HIVEP3: variants seen among roughly 807,000 people sequenced by gnomAD.
HIVEP3 encodes the protein HIVEP zinc finger 3, also known as transcription factor HIVEP3.
Under a neutral mutation model 152.8 loss-of-function variants are expected in HIVEP3, and 49 were observed. The ratio of observed to expected loss-of-function variants is 0.32; its 90% CI spans 0.26 to 0.41. The LOEUF is 0.41. HIVEP3 is among the 10% of genes least tolerant of loss of function. The pLI, the probability that HIVEP3 is intolerant of heterozygous loss-of-function variation, is 1.00. For missense variants in HIVEP3, 2,790 were observed against 3,103.3 expected, an observed-to-expected ratio of 0.90 and a Z score of 2.40; for synonymous variants, 1,269 against 1,289.0, an observed-to-expected ratio of 0.98 and a Z score of 0.33.
intron 2 of HIVEP3, among the ~76,000 whole-genome samples, chr1:41,670,425 C>A (rs1042604000): frequency 6.6e-6 from 1 of 152,170 alleles, no homozygotes; most frequent in Non-Finnish European, 1.5e-5. Context: ...CTCCATCCCC[C>A]CTGAATTCAT....
intron 1 of HIVEP3, among the ~76,000 whole-genome samples, chr1:41,753,742 G>T (rs1232679318): frequency 1.3e-5 from 2 of 151,820 alleles, no homozygotes; most frequent in Admixed American, 6.6e-5. Context: ...TCTAATGAGG[G>T]GCTGTTTACT....
At chr1:41,784,166 C>A (rs1288533487) in intron 1 of HIVEP3, among the ~76,000 whole-genome samples, 1 of 152,142 alleles carries the variant, frequency 6.6e-6, no homozygotes, top group Non-Finnish European at 1.5e-5. Flanking sequence ...ACCTCCCCTG[C>A]CCTAGAGCAG....
chr1:41,987,663 G>A (rs1285921294), intron 1 of HIVEP3, among the ~76,000 whole-genome samples: 1 of 152,174 alleles, frequency 6.6e-6, no homozygotes, highest in East Asian at 1.9e-4. Context: ...AACCCACATT[G>A]GGGAAGTGGT....
chr1:41,864,724 A>G (rs1002643918), intron 1 of HIVEP3: 1 of 152,396 alleles, frequency 6.6e-6, no homozygotes, highest in Admixed American at 6.5e-5. Context: ...TAGCAGGCCC[A>G]TGGAAACACT....
intron 1 of HIVEP3, among the ~76,000 whole-genome samples, chr1:41,868,518 G>A (rs1180700774): frequency 6.6e-6 from 1 of 152,140 alleles, no homozygotes; most frequent in East Asian, 1.9e-4. Flanking sequence ...GGAGACACTA[G>A]TCTCCAATTT....
At chr1:41,976,813 G>A (rs1248379934) in intron 1 of HIVEP3, among the ~76,000 whole-genome samples, 1 of 152,178 alleles carries the variant, frequency 6.6e-6, no homozygotes, top group Non-Finnish European at 1.5e-5. Context: ...TTATGCTGCA[G>A]TAGTTATGCT....
chr1:41,564,139 G>A (rs1644126447), intron 5 of HIVEP3, among the ~76,000 whole-genome samples: 1 of 152,172 alleles, frequency 6.6e-6, no homozygotes. Flanking sequence ...GCTGCAGTGA[G>A]CCGAGATCGT....
intron 1 of HIVEP3, among the ~76,000 whole-genome samples, chr1:41,968,612 G>A (rs911915147): frequency 2.8e-4 from 42 of 152,128 alleles, no homozygotes; most frequent in African/African-American, 9.9e-4. Flanking sequence ...ATACTGAATG[G>A]GCAAAAGCTG....
At chr1:41,766,384 A>G (rs1434194690) in intron 1 of HIVEP3, among the ~76,000 whole-genome samples, 1 of 152,220 alleles carries the variant, frequency 6.6e-6, no homozygotes, top group East Asian at 1.9e-4. Flanking sequence ...TCAGCCAAAA[A>G]TGTCAATAGT....
At chr1:42,026,038 C>T (rs1173736964) in intron 1 of HIVEP3, among the ~76,000 whole-genome samples, 1 of 151,516 alleles carries the variant, frequency 6.6e-6, no homozygotes, top group Admixed American at 6.6e-5. Context: ...GCATTGTCTG[C>T]AGCCTGGGCG....
chr1:41,919,421 G>C (rs1308745812), upstream of HIVEP3, among the ~76,000 whole-genome samples: 1 of 152,186 alleles, frequency 6.6e-6, no homozygotes, highest in Non-Finnish European at 1.5e-5. Context: ...GCCCTGCCCT[G>C]CCTTGCTCTG....
At chr1:41,776,590 G>A (rs2124274300) in intron 1 of HIVEP3, among the ~76,000 whole-genome samples, 1 of 152,334 alleles carries the variant, frequency 6.6e-6, no homozygotes, top group East Asian at 1.9e-4. Flanking sequence ...CATTCAGGTG[G>A]GTGTTGGCTT....
chr1:41,852,971 A>G (rs1643646139), intron 1 of HIVEP3, among the ~76,000 whole-genome samples: 1 of 152,214 alleles, frequency 6.6e-6, no homozygotes, highest in Non-Finnish European at 1.5e-5. Flanking sequence ...CAAGCAGCAC[A>G]CAGTCTGGGT....
At chr1:41,719,843 T>C (rs1646650436) in intron 1 of HIVEP3, among the ~76,000 whole-genome samples, 1 of 152,194 alleles carries the variant, frequency 6.6e-6, no homozygotes. Context: ...AGAAGTTCAG[T>C]GTCTTGCCTG....
chr1:41,718,231 C>T (rs1180300705), intron 1 of HIVEP3, among the ~76,000 whole-genome samples: 3 of 152,180 alleles, frequency 2.0e-5, no homozygotes, highest in Non-Finnish European at 4.4e-5. Flanking sequence ...GGGCCTTTGC[C>T]AAGGAGTCTG....
chr1:41,857,667 T>G (rs1222108732), intron 1 of HIVEP3, among the ~76,000 whole-genome samples: 1 of 152,182 alleles, frequency 6.6e-6, no homozygotes, highest in Non-Finnish European at 1.5e-5. Context: ...CACAACATGA[T>G]GCCTATGAGG....
At chr1:41,649,594 G>C in intron 2 of HIVEP3, among the ~76,000 whole-genome samples, 1 of 152,224 alleles carries the variant, frequency 6.6e-6, no homozygotes, top group East Asian at 1.9e-4. Context: ...TGGGAATTGG[G>C]TTGGGGCTTC....
chr1:41,994,100 T>C (rs113103457), intron 1 of HIVEP3, among the ~76,000 whole-genome samples: 4,181 of 151,662 alleles, frequency 0.028, 199 homozygotes, highest in African/African-American at 0.096. Context: ...TGTATACATA[T>C]GTAACTAACC....
At chr1:41,785,007 A>G (rs974443444) in intron 1 of HIVEP3, among the ~76,000 whole-genome samples, 26 of 152,230 alleles carry the variant, frequency 1.7e-4, no homozygotes, top group Admixed American at 5.9e-4. Context: ...TTGTTGACTG[A>G]GATCCCCCAA....
Sources: gnomAD v4.1 joint callset for allele counts (sites outside exome capture counted in the v4.1 genomes callset) on GRCh38, gnomAD v4.1.1 for gene constraint, MANE v1.5 for transcripts, NCBI Gene and HGNC (gene_info 2026-07-23, HGNC 2026-07-21) for gene names.